The following ASIC2 variants were observed in gnomAD, a reference collection of about 807,000 sequenced individuals.
ASIC2 encodes the protein acid-sensing ion channel 2.
A neutral mutation model predicts 57.3 loss-of-function variants in ASIC2; 25 were observed. The observed-to-expected ratio is 0.44, with a 90% CI of 0.32 to 0.61. The LOEUF (loss-of-function observed/expected upper bound fraction) is 0.61, where lower values mean the gene tolerates loss of function less well. ASIC2 is among the 20% of genes least tolerant of loss of function. ASIC2 has a pLI of 0.06. For synonymous variants in ASIC2, 319 were observed against 307.5 expected (o/e 1.04, Z -0.39); for missense variants, 641 against 738.1 (o/e 0.87, Z 1.52).
At position 33,374,700 on chromosome 17, in the gene ASIC2, G is replaced by A. The variant is rs968576068; in HGVS notation, c.556-262633C>T. Among the ~76,000 whole-genome samples, 3 of 152,324 alleles carry A rather than the reference G, an allele frequency of 2.0e-5. No individual in the cohort carries two copies. In the South Asian group the frequency reaches 6.2e-4, roughly 32 times the overall value. ...GCATAGTAGTAGACAGAGAAAGTGT[G>A]AGCGTGAGGTTATGCAGCCCAGACC... On this transcript the variant is annotated intron_variant, in intron 1 of 9. Coordinates refer to the ASIC2 transcript ENST00000359872.
At chr17:33,227,789 C>A in intron 1 of ASIC2, among the ~76,000 whole-genome samples, 1 of 152,200 alleles carries the variant, frequency 6.6e-6, no homozygotes, top group Admixed American at 6.5e-5. Context: ...AGGTGTTAGA[C>A]AATTTGCTCC....
chr17:34,015,685 G>A (rs909862623), intron 1 of ASIC2, among the ~76,000 whole-genome samples: 12 of 152,242 alleles, frequency 7.9e-5, no homozygotes, highest in Non-Finnish European at 1.0e-4. Flanking sequence ...ACATGAATGA[G>A]AAAACTCTAA....
intron 1 of ASIC2, among the ~76,000 whole-genome samples, chr17:33,978,981 C>G (rs1214407536): frequency 6.6e-6 from 1 of 152,150 alleles, no homozygotes; most frequent in Non-Finnish European, 1.5e-5. Context: ...CTTATTGTGT[C>G]TCCTCGGTGA....
intron 1 of ASIC2, among the ~76,000 whole-genome samples, chr17:34,089,815 G>A (rs1391312777): frequency 6.6e-6 from 1 of 152,088 alleles, no homozygotes; most frequent in East Asian, 1.9e-4. Flanking sequence ...TTTTCTAACA[G>A]CTCCAGGGCG....
chr17:34,051,586 G>T (rs555171322), intron 1 of ASIC2: 1 of 152,312 alleles, frequency 6.6e-6, no homozygotes, highest in South Asian at 2.1e-4. Flanking sequence ...GAATGGGCAT[G>T]GAGGTTCATG....
chr17:33,389,959 A>G (rs1279319654), intron 1 of ASIC2, among the ~76,000 whole-genome samples: 2 of 152,170 alleles, frequency 1.3e-5, no homozygotes, highest in Non-Finnish European at 2.9e-5. Flanking sequence ...TGGAGCCTCA[A>G]GAATCACGGC....
At chr17:33,846,114 G>A (rs1913588974) in intron 1 of ASIC2, among the ~76,000 whole-genome samples, 1 of 152,154 alleles carries the variant, frequency 6.6e-6, no homozygotes, top group African/African-American at 2.4e-5. Flanking sequence ...ATGAACAAGG[G>A]GAAAGTAGAA....
intron 1 of ASIC2, among the ~76,000 whole-genome samples, chr17:33,878,551 T>A (rs376383552): frequency 6.6e-6 from 1 of 151,996 alleles, no homozygotes; most frequent in Non-Finnish European, 1.5e-5. Context: ...AAGAGAAGTT[T>A]AGAGAAAAAA....
rs573450692 is a variant in ASIC2 at position 33,172,817 on chromosome 17, C to T, written c.709-60750G>A. ...AGGGCTTACTCTGGTCCTCCTGAAT[C>T]AGAAACTGTGAGGTTGGGTCGTTTC... On this transcript the variant is annotated intron_variant, in intron 1 of 9. Coordinates refer to ENST00000225823, the MANE Select transcript of ASIC2 (RefSeq NM_183377.2). Among the ~76,000 whole-genome samples, 7 of 152,328 alleles carry T rather than the reference C, an allele frequency of 4.6e-5. No individual in the cohort carries two copies. In the South Asian group the frequency reaches 1.5e-3, roughly 32 times the overall value.
intron 3 of ASIC2, among the ~76,000 whole-genome samples, chr17:33,080,504 C>G (rs780423547): frequency 6.6e-6 from 1 of 152,140 alleles, no homozygotes; most frequent in Non-Finnish European, 1.5e-5. Flanking sequence ...ATGCCTGAAA[C>G]TGCAGATAGT....
chr17:33,775,315 T>A (rs753807212), intron 1 of ASIC2, among the ~76,000 whole-genome samples: 2 of 152,160 alleles, frequency 1.3e-5, no homozygotes, highest in African/African-American at 4.8e-5. Flanking sequence ...GTAGAACCCA[T>A]ATTCTGACTC....
At chr17:33,473,062 A>G (rs953862977) in intron 1 of ASIC2, among the ~76,000 whole-genome samples, 3 of 152,244 alleles carry the variant, frequency 2.0e-5, no homozygotes, top group Non-Finnish European at 2.9e-5. Flanking sequence ...TAGGCATGCA[A>G]TAATCAATAA....
At chr17:33,111,167 C>T (rs1301301734) in intron 2 of ASIC2, among the ~76,000 whole-genome samples, 2 of 152,126 alleles carry the variant, frequency 1.3e-5, no homozygotes, top group African/African-American at 4.8e-5. Flanking sequence ...TACATCAGGC[C>T]CATCTGGATG....
chr17:33,023,584 G>A (rs891741297), intron 6 of ASIC2, among the ~76,000 whole-genome samples: 1 of 151,692 alleles, frequency 6.6e-6, no homozygotes, highest in Admixed American at 6.6e-5. Context: ...CCTTCCCTAT[G>A]CATCCCCCTA....
At chr17:33,113,075 G>A (rs2092266087) in intron 1 of ASIC2, among the ~76,000 whole-genome samples, 1 of 152,126 alleles carries the variant, frequency 6.6e-6, no homozygotes, top group Admixed American at 6.5e-5. Context: ...GCACACAATA[G>A]GGCTCAGTCA....
intron 1 of ASIC2, among the ~76,000 whole-genome samples, chr17:33,894,555 T>C (rs951430538): frequency 3.3e-5 from 5 of 152,122 alleles, no homozygotes; most frequent in African/African-American, 1.2e-4. Flanking sequence ...CATTTTGCCG[T>C]TATTCAGACC....
chr17:33,645,762 T>A (rs1260244470), intron 1 of ASIC2, among the ~76,000 whole-genome samples: 1 of 152,182 alleles, frequency 6.6e-6, no homozygotes, highest in African/African-American at 2.4e-5. Context: ...GACTATCTTC[T>A]GCTGGGCATT....
At chr17:33,521,956 C>A (rs1212236239) in intron 1 of ASIC2, among the ~76,000 whole-genome samples, 1 of 152,192 alleles carries the variant, frequency 6.6e-6, no homozygotes, top group Non-Finnish European at 1.5e-5. Context: ...CAACTGCGGG[C>A]AGTGTGGTTC....
At position 34,081,759 on chromosome 17, in the gene ASIC2, G is replaced by C. The variant is rs574146474; in HGVS notation, c.555+74219C>G. Among the ~76,000 whole-genome samples, 7 of 152,158 alleles carry C rather than the reference G, an allele frequency of 4.6e-5. No individual in the cohort carries two copies. The East Asian group carries it at 1.4e-3, about 29-fold the overall frequency. ...GTCTTAACACTCCTGCTACATTCTT[G>C]GCTCTCCCACTTACTGGTTATATGA... is the stretch of plus-strand genomic sequence containing the variant. On this transcript the variant is annotated intron_variant, in intron 1 of 9. Coordinates refer to the ASIC2 transcript ENST00000359872.
Sources: allele counts gnomAD v4.1 joint callset (sites outside exome capture counted in the v4.1 genomes callset), GRCh38; gene constraint gnomAD v4.1.1; transcripts MANE v1.5; gene names NCBI Gene and HGNC (gene_info 2026-07-23, HGNC 2026-07-21).